MAST2: variants seen among roughly 807,000 people sequenced by gnomAD.
The protein encoded by MAST2 is microtubule associated serine/threonine kinase 2.
A neutral mutation model predicts 147.4 loss-of-function variants in MAST2; 70 were observed. That is an observed-to-expected ratio of 0.47 (90% CI 0.39 to 0.58). The LOEUF (loss-of-function observed/expected upper bound fraction) is 0.58, where lower values mean the gene tolerates loss of function less well. Ranked by LOEUF, MAST2 falls within the 20% of genes least tolerant of loss-of-function variation. MAST2 has a pLI of 0.00. For synonymous variants in MAST2, 869 were observed against 896.8 expected, an observed-to-expected ratio of 0.97 and a Z score of 0.55; for missense variants, 2,080 against 2,302.3, an observed-to-expected ratio of 0.90 and a Z score of 1.98.
At chr1:45,823,832 A>G (rs1644711141) in intron 1 of MAST2, among the ~76,000 whole-genome samples, 2 of 152,108 alleles carry the variant, frequency 1.3e-5, no homozygotes, top group South Asian at 4.1e-4. Context: ...TGTTGATGAT[A>G]TTATTGGACA....
intron 4 of MAST2, among the ~76,000 whole-genome samples, chr1:45,952,687 G>A (rs1659101836): frequency 6.6e-6 from 1 of 152,070 alleles, no homozygotes. Context: ...TTAAAGTATT[G>A]AGAAAAAAGT....
intron 1 of MAST2, among the ~76,000 whole-genome samples, chr1:45,811,809 T>C (rs1206866767): frequency 1.3e-5 from 2 of 151,242 alleles, no homozygotes; most frequent in African/African-American, 4.9e-5. Flanking sequence ...AATTTTTTTG[T>C]ATTTTTAGTA....
intron 4 of MAST2, among the ~76,000 whole-genome samples, chr1:45,928,832 CTT>C (rs368283864): frequency 2.7e-5 from 4 of 146,302 alleles, no homozygotes; most frequent in African/African-American, 1.0e-4. Flanking sequence ...GTGTTCTCAC[CTT>C]TTTTTTTTTC....
At chr1:45,994,419 T>C (rs944182285) in intron 5 of MAST2, among the ~76,000 whole-genome samples, 3 of 151,824 alleles carry the variant, frequency 2.0e-5, no homozygotes, top group Non-Finnish European at 4.4e-5. Context: ...CCCAAGTAGC[T>C]GGGATTACAG....
chr1:45,829,008 A>G (rs1644875333), intron 2 of MAST2, among the ~76,000 whole-genome samples: 1 of 152,146 alleles, frequency 6.6e-6, no homozygotes, highest in Non-Finnish European at 1.5e-5. Context: ...ATTGAGATTA[A>G]GGCAGACAGT....
Position 46,023,306 on chromosome 1 carries a change from A to G in MAST2, c.1559A>G (p.Asn520Ser), listed in dbSNP as rs369599366. 7.4e-6 allele frequency: 12 copies of G among 1,613,906 alleles called. No homozygotes were observed. The highest frequency in any genetic ancestry group is 2.7e-5 in the African/African-American group (2 of 74,936). ...EDFETIKLIS[N>S]GAYGAVFLVR... ...TTCGAGACCATTAAGCTCATCAGCA[A>G]TGGCGCCTATGGGTAAAGGCAGGGG... The change falls in exon 14 of 29, where the codon AAT becomes AGT. Residue 520 changes from asparagine (N) to serine (S), a missense_variant. Coordinates refer to ENST00000361297, the MANE Select transcript of MAST2 (RefSeq NM_015112.3). This position sits in a 1 kb window ranked among gnomAD's most constrained non-coding sequence, Gnocchi z 4.9.
At chr1:45,824,762 G>A (rs1446985602) in intron 2 of MAST2, among the ~76,000 whole-genome samples, 182 bp downstream of exon 2, 2 of 152,186 alleles carry the variant, frequency 1.3e-5, no homozygotes, top group East Asian at 3.8e-4. Context: ...TTGCTAACCT[G>A]TAGGACCTGA....
intron 4 of MAST2, among the ~76,000 whole-genome samples, chr1:45,946,622 G>T (rs1658071948): frequency 6.6e-6 from 1 of 152,166 alleles, no homozygotes; most frequent in Non-Finnish European, 1.5e-5. Flanking sequence ...GGTATAATCT[G>T]CCTGGGACTG....
At chr1:45,915,031 CT>C (rs1053266494) in intron 4 of MAST2, among the ~76,000 whole-genome samples, 7 of 152,136 alleles carry the variant, frequency 4.6e-5, no homozygotes, top group African/African-American at 1.7e-4. Flanking sequence ...CCTTGACCTC[CT>C]GGGCCCAAGG....
chr1:46,015,088 C>G (rs576488687), intron 10 of MAST2, among the ~76,000 whole-genome samples: 19 of 151,266 alleles, frequency 1.3e-4, no homozygotes, highest in African/African-American at 4.4e-4. Flanking sequence ...GGGTACATAA[C>G]GAAATGAAGG....
chr1:45,882,012 T>TTA (rs1326093758), intron 3 of MAST2, among the ~76,000 whole-genome samples: 2 of 39,834 alleles, frequency 5.0e-5, no homozygotes, highest in Non-Finnish European at 9.4e-5. Flanking sequence ...CCGTCTCTAC[T>TTA]AAAAAAAAAA....
At chr1:45,891,648 C>T (rs1332040695) in intron 4 of MAST2, among the ~76,000 whole-genome samples, 1 of 151,326 alleles carries the variant, frequency 6.6e-6, no homozygotes, top group Non-Finnish European at 1.5e-5. Flanking sequence ...TCTTTTTTAA[C>T]TTTTTCCAAT....
At chr1:45,863,466 A>G (rs534722063) in intron 3 of MAST2, among the ~76,000 whole-genome samples, 2 of 152,360 alleles carry the variant, frequency 1.3e-5, no homozygotes, top group African/African-American at 2.4e-5. Flanking sequence ...TCTCACAATG[A>G]AAGACCACAC....
chr1:45,912,116 C>T (rs538750114), intron 4 of MAST2, among the ~76,000 whole-genome samples: 1 of 151,862 alleles, frequency 6.6e-6, no homozygotes, highest in African/African-American at 2.4e-5. Context: ...TCTTTAGGAC[C>T]TGCTACTGAA....
intron 4 of MAST2, among the ~76,000 whole-genome samples, chr1:45,899,316 T>TTTTTC (rs1649342201): frequency 6.7e-6 from 1 of 148,168 alleles, no homozygotes; most frequent in Non-Finnish European, 1.5e-5. Context: ...TCTTTTTTTT[T>TTTTTC]TTTTTTTTTT....
At chr1:45,994,939 C>T (rs1557443044) in intron 5 of MAST2, among the ~76,000 whole-genome samples, 1 of 151,708 alleles carries the variant, frequency 6.6e-6, no homozygotes, top group Admixed American at 6.6e-5. Flanking sequence ...CCTGGGTTCA[C>T]GCCATTCTCC....
chr1:46,030,838 T>A, intron 22 of MAST2, 77 bp downstream of exon 22: 1 of 1,485,624 alleles, frequency 6.7e-7, no homozygotes, highest in Non-Finnish European at 9.0e-7. Context: ...GAGATTCCGA[T>A]GCCAGGGAGG....
At position 46,028,917 on chromosome 1, in the gene MAST2, T is replaced by C. The variant is rs191974594; in HGVS notation, c.2202T>C (p.Phe734=). 1.1e-3 allele frequency: 1,701 copies of C among 1,598,442 alleles called. 2 individuals are homozygous for C. The highest frequency in any genetic ancestry group is 1.3e-3 in the Non-Finnish European group (1,556 of 1,172,986). ...TTGGAGATACTCCGGAGGAGCTCTT[T>C]GGGCAGGTGATCAGTGGTAGGTACT... ...PFFGDTPEEL[F]GQVISDEIVW... The change falls in exon 18 of 29, where the codon TTT becomes TTC. Residue 734 remains phenylalanine (F), a synonymous_variant. Transcript: ENST00000361297.
chr1:45,913,813 C>T (rs752934463), intron 4 of MAST2: 16 of 1,188,494 alleles, frequency 1.3e-5, no homozygotes, highest in Non-Finnish European at 1.3e-5. Flanking sequence ...GAGGGCAAAA[C>T]TTGAGTAGCC....
Sources: gnomAD v4.1 joint callset for allele counts (sites outside exome capture counted in the v4.1 genomes callset) on GRCh38, gnomAD v4.1.1 for gene constraint, Gnocchi (gnomAD v3.1) non-coding constraint, MANE v1.5 for transcripts, NCBI Gene and HGNC (gene_info 2026-07-23, HGNC 2026-07-21) for gene names.